Variants in FAT3 observed in about 807,000 individuals in gnomAD.
FAT3 encodes protocadherin Fat 3.
In FAT3, 95 loss-of-function variants were observed where a neutral mutation model predicts 310.2. That is an observed-to-expected ratio of 0.31 (90% CI 0.26 to 0.36). The LOEUF (loss-of-function observed/expected upper bound fraction) is 0.36. Among genes scored for constraint, FAT3 ranks in the 10% least tolerant of loss-of-function variants. FAT3 has a pLI of 1.00. For missense variants in FAT3, 5,408 were observed against 5,715.6 expected, an observed-to-expected ratio of 0.95 and a Z score of 1.74; for synonymous variants, 2,314 against 2,192.9, an observed-to-expected ratio of 1.06 and a Z score of -1.54.
intron 1 of FAT3, among the ~76,000 whole-genome samples, chr11:92,247,922 T>C (rs1864987075): frequency 1.3e-5 from 2 of 151,968 alleles, no homozygotes. Context: ...TGTGCTGTGC[T>C]CCTACCTGTG....
At chr11:92,697,316 G>C (rs2135906205) in intron 3 of FAT3, 68 bp from the exon 4 acceptor site, 1 of 1,452,136 alleles carries the variant, frequency 6.9e-7, no homozygotes, top group South Asian at 1.2e-5. Flanking sequence ...AACTGGACTT[G>C]TTTCCCCACA....
chr11:92,372,405 A>C (rs1334594646), intron 2 of FAT3, among the ~76,000 whole-genome samples: 1 of 151,954 alleles, frequency 6.6e-6, no homozygotes, highest in Non-Finnish European at 1.5e-5. Flanking sequence ...TGGAAAGAGA[A>C]TTGTAATGCA....
At chr11:92,780,672 G>A (rs1946723297) in intron 7 of FAT3, among the ~76,000 whole-genome samples, 1 of 152,106 alleles carries the variant, frequency 6.6e-6, no homozygotes, top group Non-Finnish European at 1.5e-5. Flanking sequence ...TCTAATGCAG[G>A]AAAAGAAACT....
intron 2 of FAT3, among the ~76,000 whole-genome samples, chr11:92,453,778 A>G (rs1232338514): frequency 1.3e-5 from 2 of 152,178 alleles, no homozygotes; most frequent in African/African-American, 4.8e-5. Flanking sequence ...GGTGAAATGC[A>G]AAACTATCAA....
intron 2 of FAT3, among the ~76,000 whole-genome samples, chr11:92,459,743 G>A (rs1951588272): frequency 6.6e-6 from 1 of 152,084 alleles, no homozygotes; most frequent in South Asian, 2.1e-4. Context: ...TGAGGGAACA[G>A]CCAACTGTGG....
At chr11:92,254,426 A>G (rs1417866884) in intron 1 of FAT3, among the ~76,000 whole-genome samples, 1 of 152,164 alleles carries the variant, frequency 6.6e-6, no homozygotes, top group African/African-American at 2.4e-5. Context: ...TTAAGGGGCA[A>G]TGTGCGTAAA....
chr11:92,482,560 C>T (rs983593090), intron 2 of FAT3, among the ~76,000 whole-genome samples: 1 of 152,202 alleles, frequency 6.6e-6, no homozygotes, highest in African/African-American at 2.4e-5. Context: ...ACTTTCCAGC[C>T]TATCACTGTC....
chr11:92,516,340 A>G (rs1350119237), intron 2 of FAT3, among the ~76,000 whole-genome samples: 1 of 152,220 alleles, frequency 6.6e-6, no homozygotes, highest in Non-Finnish European at 1.5e-5. Context: ...CAACATATGC[A>G]AATCAATAAA....
rs1948671480 is a variant in FAT3 at position 92,354,449 on chromosome 11, G to T, written c.2337G>T (p.Glu779Asp). The T allele has an allele frequency of 1.9e-6, 3 of 1,613,698 alleles. No individual in the cohort carries two copies. The highest frequency in any genetic ancestry group is 2.5e-6 in the Non-Finnish European group (3 of 1,179,848). The change falls in exon 2 of 28, where the codon GAG becomes GAT. Residue 779 changes from glutamate to aspartate, a missense_variant. Glu to Asp is a conservative substitution (Grantham distance 45). Transcript: ENST00000525166. ...NTDSCFNIDM[E>D]TGQLKVLMPM... is the part of the protein sequence containing the mutation. ...ATAGTTGCTTTAATATTGATATGGA[G>T]ACTGGGCAGCTTAAAGTCCTTATGC...
chr11:92,856,263 G>A (rs960825557), intron 19 of FAT3, among the ~76,000 whole-genome samples: 2 of 152,166 alleles, frequency 1.3e-5, no homozygotes, highest in Non-Finnish European at 2.9e-5. Context: ...CACGGGGAAA[G>A]GGCACTCCTT....
Position 92,513,121 on chromosome 11 carries a change from C to CA in FAT3, c.3293-11497dup, listed in dbSNP as rs752761388. On this transcript the variant is annotated intron_variant, in intron 2 of 27. Transcript: ENST00000525166. ...TGGGCGACAGAGCTAGACTCCGTCT[C>CA]AAAAAAAAAAAAAAAAGATTATCTC... Among the ~76,000 whole-genome samples the CA allele has an allele frequency of 3.2e-3, 99 of 31,138 alleles. 16 individuals carry two copies. Among genetic ancestry groups the CA allele is most frequent in the Admixed American group, 4.7e-3 (12 of 2,538 alleles). 20.4% of individuals were successfully genotyped at this position (31,138 alleles called of 152,430 possible). A position where few individuals can be genotyped will look rare whatever the true frequency, so the allele number is the denominator to read the frequency against.
intron 4 of FAT3, among the ~76,000 whole-genome samples, chr11:92,739,522 GTT>G (rs1945445672): frequency 6.6e-6 from 1 of 152,118 alleles, no homozygotes; most frequent in Non-Finnish European, 1.5e-5. Context: ...TCCTCTTACT[GTT>G]ATATGACAAG....
intron 2 of FAT3, among the ~76,000 whole-genome samples, chr11:92,425,025 T>C (rs1950600629): frequency 6.6e-6 from 1 of 152,172 alleles, no homozygotes; most frequent in East Asian, 1.9e-4. Flanking sequence ...TAATCACCCT[T>C]TATAAATGTT....
intron 2 of FAT3, among the ~76,000 whole-genome samples, chr11:92,371,866 A>T (rs79929288): frequency 0.065 from 9,933 of 152,276 alleles, 1,079 homozygotes; most frequent in African/African-American, 0.22. Context: ...AACCTAAAGG[A>T]AAAGTTACAG....
intron 2 of FAT3, among the ~76,000 whole-genome samples, chr11:92,431,116 C>T (rs1326180383): frequency 6.6e-6 from 1 of 152,292 alleles, no homozygotes; most frequent in Non-Finnish European, 1.5e-5. Flanking sequence ...AACTAGTTTA[C>T]AGTCCCACCA....
chr11:92,315,512 T>TATATATACAGAG (rs1353970811), intron 1 of FAT3, among the ~76,000 whole-genome samples: 1 of 56,172 alleles, frequency 1.8e-5, no homozygotes, highest in South Asian at 9.6e-4. Flanking sequence ...TATATATATA[T>TATATATACAGAG]AGAGAGAGAG....
chr11:92,452,101 T>A (rs1951370322), intron 2 of FAT3, among the ~76,000 whole-genome samples: 1 of 152,210 alleles, frequency 6.6e-6, no homozygotes, highest in Non-Finnish European at 1.5e-5. Flanking sequence ...TGATTGCTCT[T>A]AGAAATTAAC....
At chr11:92,283,797 C>A (rs1286661114) in intron 1 of FAT3, among the ~76,000 whole-genome samples, 2 of 152,030 alleles carry the variant, frequency 1.3e-5, no homozygotes, top group Admixed American at 6.6e-5. Flanking sequence ...TTTTATTTTA[C>A]AGTTTATTGT....
chr11:92,722,936 C>G (rs1944905974), intron 4 of FAT3, among the ~76,000 whole-genome samples: 1 of 152,128 alleles, frequency 6.6e-6, no homozygotes, highest in African/African-American at 2.4e-5. Flanking sequence ...TCTTTTCCTC[C>G]TAGTTCTCTG....
Sources: allele counts gnomAD v4.1 joint callset (sites outside exome capture counted in the v4.1 genomes callset), GRCh38; gene constraint gnomAD v4.1.1; transcripts MANE v1.5; gene names NCBI Gene and HGNC (gene_info 2026-07-23, HGNC 2026-07-21).